Variants in PGM1 observed in about 807,000 individuals in gnomAD.
PGM1 encodes the protein phosphoglucomutase-1.
Under a neutral mutation model 55.6 loss-of-function variants are expected in PGM1, and 52 were observed. That is an observed-to-expected ratio of 0.94 (90% confidence interval 0.75 to 1.18). The LOEUF (loss-of-function observed/expected upper bound fraction) is 1.18, where lower values mean the gene tolerates loss of function less well. Among genes scored for constraint, PGM1 ranks in the 50% most tolerant of loss-of-function variants. The pLI is 0.00. For missense variants in PGM1, 724 were observed against 729.3 expected, an observed-to-expected ratio of 0.99 and a Z score of 0.08; for synonymous variants, 287 against 271.7, an observed-to-expected ratio of 1.06 and a Z score of -0.55.
At chr1:63,634,671 G>A (rs980030981) in intron 4 of PGM1, among the ~76,000 whole-genome samples, 158 bp from the exon 5 acceptor site, 6 of 152,126 alleles carry the variant, frequency 3.9e-5, no homozygotes, top group Middle Eastern at 3.4e-3. Flanking sequence ...CCAGTCAGGC[G>A]TATCTCTCCA....
At chr1:63,643,659 C>A (rs1484970263) in intron 7 of PGM1, among the ~76,000 whole-genome samples, 1 of 152,228 alleles carries the variant, frequency 6.6e-6, no homozygotes, top group Non-Finnish European at 1.5e-5. Flanking sequence ...AGCTGAGCCT[C>A]CCAGCCAGTC....
At chr1:63,631,309 G>A (rs1649186498) in intron 3 of PGM1, among the ~76,000 whole-genome samples, 1 of 152,146 alleles carries the variant, frequency 6.6e-6, no homozygotes, top group Non-Finnish European at 1.5e-5. Context: ...TGACGAATGG[G>A]GAAGCACTGT....
At chr1:63,620,605 GA>G (rs1235200126) in intron 1 of PGM1, among the ~76,000 whole-genome samples, 1 of 152,136 alleles carries the variant, frequency 6.6e-6, no homozygotes, top group African/African-American at 2.4e-5. Flanking sequence ...AAGAAACATA[GA>G]AAAGAAAGAG....
chr1:63,596,783 C>T (rs776564035), intron 1 of PGM1, among the ~76,000 whole-genome samples: 13 of 152,094 alleles, frequency 8.5e-5, no homozygotes, highest in East Asian at 1.9e-4. Context: ...TGAAATTTTC[C>T]GTTTACATGT....
chr1:63,623,624 A>G lies in PGM1; in HGVS notation c.247-5801A>G, dbSNP rs766980300. The G allele has an allele frequency of 1.6e-5, 25 of 1,612,782 alleles. No homozygotes were observed. The highest frequency in any genetic ancestry group is 2.1e-5 in the Non-Finnish European group (25 of 1,179,798). Reference sequence around the variant, plus strand: ...TTTGAGGAAAAGCCATGCTATCTGGAGAATTTCATCCAGAGTATATTCTTT... The same window carrying G: ...TTTGAGGAAAAGCCATGCTATCTGGGGAATTTCATCCAGAGTATATTCTTT... On this transcript the variant is annotated intron_variant, in intron 1 of 10. Coordinates refer to ENST00000371084, the MANE Select transcript of PGM1 (RefSeq NM_002633.3).
chr1:63,647,287 T>TGTA (rs1649680239), intron 7 of PGM1, among the ~76,000 whole-genome samples: 1 of 61,844 alleles, frequency 1.6e-5, no homozygotes, highest in Admixed American at 1.2e-4. Context: ...TATATATATA[T>TGTA]ATATATATAT....
intron 10 of PGM1, chr1:63,656,182 T>G (rs1445110742): frequency 6.6e-6 from 1 of 152,130 alleles, no homozygotes; most frequent in Non-Finnish European, 1.5e-5. Flanking sequence ...GAAAAGGTGG[T>G]CCACATCACT....
At chr1:63,616,101 G>A (rs1263287026) in intron 1 of PGM1, among the ~76,000 whole-genome samples, 2 of 152,092 alleles carry the variant, frequency 1.3e-5, no homozygotes, top group African/African-American at 4.8e-5. Context: ...TTTAATAATT[G>A]TGCTCCTGGT....
chr1:63,603,943 A>G (rs1190482803), intron 1 of PGM1, among the ~76,000 whole-genome samples: 3 of 152,166 alleles, frequency 2.0e-5, no homozygotes, highest in Non-Finnish European at 4.4e-5. Context: ...TGCAAGATAA[A>G]TACTTGTATG....
At chr1:63,594,728 G>A (rs1479106219) in intron 1 of PGM1, among the ~76,000 whole-genome samples, 5 of 150,170 alleles carry the variant, frequency 3.3e-5, no homozygotes, top group African/African-American at 1.2e-4. Context: ...GATCACCTGA[G>A]GTCAGGAGAT....
chr1:63,593,608 C>G lies in PGM1; in HGVS notation c.120C>G (p.Ile40Met), dbSNP rs1372595382. Reference sequence around the variant, plus strand: ...GCGCCAACTACGCGGAGAACTTCATCCAGAGTATCATCTCCACCGTGGAGC... The same window carrying G: ...GCGCCAACTACGCGGAGAACTTCATGCAGAGTATCATCTCCACCGTGGAGC... ...QSSANYAENF[I>M]QSIISTVEPA... Residue 40 changes from isoleucine to methionine, a missense_variant, in exon 1 of 11, where the codon ATC (isoleucine) becomes ATG (methionine). Transcript: ENST00000371084. 9 of 1,613,280 alleles carry G rather than the reference C, an allele frequency of 5.6e-6. No homozygotes were observed. The highest frequency in any genetic ancestry group is 1.3e-5 in the African/African-American group (1 of 74,928).
intron 1 of PGM1, among the ~76,000 whole-genome samples, chr1:63,610,210 AG>A (rs1367125585): frequency 1.3e-5 from 2 of 152,216 alleles, no homozygotes; most frequent in African/African-American, 4.8e-5. Flanking sequence ...GTGAATTCTA[AG>A]GTGCCACTCA....
At chr1:63,642,522 G>C (rs921481586) in intron 7 of PGM1, among the ~76,000 whole-genome samples, 1 of 152,234 alleles carries the variant, frequency 6.6e-6, no homozygotes, top group African/African-American at 2.4e-5. Context: ...AGGGCAGACT[G>C]TCAGTTCCAT....
chr1:63,652,284 C>G (rs918245297), intron 9 of PGM1, among the ~76,000 whole-genome samples: 8 of 152,222 alleles, frequency 5.3e-5, no homozygotes, highest in Non-Finnish European at 4.4e-5. Context: ...TTATACGTTT[C>G]TCTCGTATGT....
intron 1 of PGM1, among the ~76,000 whole-genome samples, chr1:63,595,143 TA>T (rs1476961156): frequency 6.6e-6 from 1 of 152,190 alleles, no homozygotes; most frequent in Non-Finnish European, 1.5e-5. Context: ...TTATTCATTT[TA>T]ATAGTACTTT....
Position 63,651,896 on chromosome 1 carries a change from T to G in PGM1, c.1464+44T>G, listed in dbSNP as rs776701440. ...GTAAGTGAGAGAGAGACCTCAGAGC[T>G]TCATCTCTGACATCTCAAGGGAAAA... On this transcript the variant is annotated intron_variant, in intron 9 of 10. Coordinates refer to ENST00000371084, the MANE Select transcript of PGM1 (RefSeq NM_002633.3). The G allele has an allele frequency of 2.6e-6, 4 of 1,535,232 alleles. No homozygotes were observed. The African/African-American group carries it at 4.1e-5, about 16-fold the overall frequency.
chr1:63,648,555 G>C lies in PGM1; in HGVS notation c.1183G>C (p.Val395Leu). ...HIREKDGLWAVLAWLSILATR... is the reference protein window; with the variant it reads ...HIREKDGLWALLAWLSILATR... ...CCGTGAGAAAGATGGACTGTGGGCT[G>C]TCCTTGCCTGGCTCTCCATCCTAGC... Residue 395 changes from valine (V) to leucine (L), a missense_variant, in exon 8 of 11, where the codon GTC becomes CTC. Coordinates refer to ENST00000371084, the MANE Select transcript of PGM1 (RefSeq NM_002633.3). The C allele has an allele frequency of 6.2e-7, 1 of 1,614,118 alleles. No homozygotes were observed. The highest frequency in any genetic ancestry group is 1.1e-5 in the South Asian group (1 of 91,084).
intron 1 of PGM1, among the ~76,000 whole-genome samples, chr1:63,604,917 C>CGTG (rs1451319454): frequency 0.1 from 11,952 of 118,772 alleles, 559 homozygotes; most frequent in Middle Eastern, 0.18. Context: ...TTACATAACT[C>CGTG]TGTGTGTGTG....
At chr1:63,595,376 C>T (rs1200877844) in intron 1 of PGM1, among the ~76,000 whole-genome samples, 2 of 152,206 alleles carry the variant, frequency 1.3e-5, no homozygotes, top group Admixed American at 6.5e-5. Context: ...ATCCCAAGAA[C>T]TTGAACAGCT....
Sources: gnomAD v4.1 joint callset for allele counts (sites outside exome capture counted in the v4.1 genomes callset) on GRCh38, gnomAD v4.1.1 for gene constraint, MANE v1.5 for transcripts, NCBI Gene and HGNC (gene_info 2026-07-23, HGNC 2026-07-21) for gene names.